CELF4: variants seen among roughly 807,000 people sequenced by gnomAD.
CELF4 encodes the protein CUGBP Elav-like family member 4.
CELF4 carries 18 observed loss-of-function variants against 59.9 expected under a neutral mutation model. The ratio of observed to expected loss-of-function variants is 0.30; its 90% CI spans 0.21 to 0.45. CELF4 has a LOEUF of 0.45. Among genes scored for constraint, CELF4 ranks in the 20% least tolerant of loss-of-function variants. The probability of loss-of-function intolerance (pLI) is 1.00; values close to 1 mark genes in which losing one functional copy is unlikely to be tolerated. For missense variants in CELF4, 456 were observed against 689.0 expected, an observed-to-expected ratio of 0.66 and a Z score of 3.79; for synonymous variants, 261 against 267.1, an observed-to-expected ratio of 0.98 and a Z score of 0.22.
chr18:37,521,499 C>T (rs779054917), intron 1 of CELF4, among the ~76,000 whole-genome samples: 50 of 152,240 alleles, frequency 3.3e-4, no homozygotes, highest in Admixed American at 7.2e-4. Context: ...AATCTAAAAT[C>T]ATATTAATAT....
chr18:37,524,226 G>A (rs1310417731), intron 1 of CELF4, among the ~76,000 whole-genome samples: 2 of 152,220 alleles, frequency 1.3e-5, no homozygotes, highest in Admixed American at 1.3e-4. Flanking sequence ...TATCCACCTC[G>A]GGGAGGGAAG....
At chr18:37,350,021 G>A (rs1410107967) in intron 2 of CELF4, among the ~76,000 whole-genome samples, 1 of 152,168 alleles carries the variant, frequency 6.6e-6, no homozygotes, top group Non-Finnish European at 1.5e-5. Flanking sequence ...GAGGAGGAGA[G>A]ATAAGCAGGC....
rs553727076 is a variant in CELF4 at position 37,441,318 on chromosome 18, C to A, written c.369+44207G>T. Among the ~76,000 whole-genome samples, 452 of 147,374 alleles carry A rather than the reference C, an allele frequency of 3.1e-3. 2 individuals are homozygous for A. The highest frequency in any genetic ancestry group is 5.1e-3 in the Non-Finnish European group (345 of 67,538). Reference sequence around the variant, plus strand: ...GTGTGTGTGTGTGTGTGTACACACACGGGGGAGATGGGAACTGGGGAGCAG... The same window carrying A: ...GTGTGTGTGTGTGTGTGTACACACAAGGGGGAGATGGGAACTGGGGAGCAG... On this transcript the variant is annotated intron_variant, in intron 2 of 12. Transcript: ENST00000420428.
chr18:37,466,724 T>G (rs2099810044), intron 2 of CELF4, among the ~76,000 whole-genome samples: 1 of 152,140 alleles, frequency 6.6e-6, no homozygotes, highest in Admixed American at 6.5e-5. Flanking sequence ...GGAGCAGTCA[T>G]GTTAAACTCT....
chr18:37,561,470 A>G lies in CELF4; in HGVS notation c.286+3886T>C, dbSNP rs144962742. 5.4e-4 allele frequency among the ~76,000 whole-genome samples: 83 copies of G among 152,338 alleles called. 1 individual carries two copies. Among genetic ancestry groups the G allele is most frequent in the Non-Finnish European group, 1.1e-3 (75 of 68,036 alleles). On this transcript the variant is annotated intron_variant, in intron 1 of 12. Coordinates refer to ENST00000420428, the MANE Select transcript of CELF4 (RefSeq NM_020180.4). ...ACTTAAATGACTTCAAAGATAATGC[A>G]TTATAATATGGCTATCCAGAGAGCA...
intron 1 of CELF4, among the ~76,000 whole-genome samples, chr18:37,517,889 T>A (rs1461406739): frequency 6.6e-6 from 1 of 152,152 alleles, no homozygotes; most frequent in African/African-American, 2.4e-5. Context: ...AGATCACCTG[T>A]GTTCCAGAGG....
At chr18:37,325,786 T>C (rs2097289272) in intron 2 of CELF4, among the ~76,000 whole-genome samples, 2 of 152,222 alleles carry the variant, frequency 1.3e-5, no homozygotes, top group Admixed American at 6.5e-5. Context: ...ACGGAATTGG[T>C]TCCCATGCAG....
intron 2 of CELF4, among the ~76,000 whole-genome samples, chr18:37,359,255 C>A (rs2098660800): frequency 6.6e-6 from 1 of 152,158 alleles, no homozygotes; most frequent in Non-Finnish European, 1.5e-5. Context: ...TCAGAGGTGC[C>A]AAAGAAGGGC....
intron 2 of CELF4, among the ~76,000 whole-genome samples, chr18:37,462,536 A>G (rs923956946): frequency 1.3e-5 from 2 of 152,210 alleles, no homozygotes; most frequent in African/African-American, 4.8e-5. Context: ...CAGAGATTGG[A>G]GTCAACAGTG....
At chr18:37,300,926 C>A (rs1215073316) in intron 3 of CELF4, among the ~76,000 whole-genome samples, 1 of 152,138 alleles carries the variant, frequency 6.6e-6, no homozygotes, top group Non-Finnish European at 1.5e-5. Flanking sequence ...TGAGGCCAGG[C>A]GCCTGGAGCA....
chr18:37,417,776 C>A (rs558232404), intron 2 of CELF4, among the ~76,000 whole-genome samples: 1 of 152,238 alleles, frequency 6.6e-6, no homozygotes, highest in Non-Finnish European at 1.5e-5. Context: ...CATGTCAACC[C>A]CATCCAGATG....
At chr18:37,303,671 G>A (rs968832619) in intron 3 of CELF4, among the ~76,000 whole-genome samples, 5 of 152,152 alleles carry the variant, frequency 3.3e-5, no homozygotes, top group Non-Finnish European at 7.4e-5. Flanking sequence ...AGGTCCCCAG[G>A]AACAGGGAAC....
At chr18:37,349,791 G>A (rs2098400937) in intron 2 of CELF4, among the ~76,000 whole-genome samples, 1 of 152,154 alleles carries the variant, frequency 6.6e-6, no homozygotes, top group Non-Finnish European at 1.5e-5. Flanking sequence ...CCAGCAGCAC[G>A]AGGCTGAGAA....
At chr18:37,342,266 C>CACAT (rs1557291629) in intron 2 of CELF4, among the ~76,000 whole-genome samples, 1 of 151,550 alleles carries the variant, frequency 6.6e-6, no homozygotes, top group Non-Finnish European at 1.5e-5. Flanking sequence ...CACACACACA[C>CACAT]GCTGGGCACA....
intron 3 of CELF4, chr18:37,275,506 G>T: frequency 2.1e-6 from 1 of 483,968 alleles, no homozygotes; most frequent in Non-Finnish European, 3.8e-6. Flanking sequence ...GCAGGAGCTG[G>T]ATCGCAGCGA....
At chr18:37,431,804 A>C (rs1156709292) in intron 2 of CELF4, among the ~76,000 whole-genome samples, 1 of 152,152 alleles carries the variant, frequency 6.6e-6, no homozygotes. Context: ...CTCTCATCTC[A>C]TCCTCCAAAT....
At chr18:37,524,226 G>T (rs1310417731) in intron 1 of CELF4, among the ~76,000 whole-genome samples, 1 of 152,220 alleles carries the variant, frequency 6.6e-6, no homozygotes, top group African/African-American at 2.4e-5. Context: ...TATCCACCTC[G>T]GGGAGGGAAG....
At chr18:37,437,310 C>T (rs560611694) in intron 2 of CELF4, among the ~76,000 whole-genome samples, 3 of 152,232 alleles carry the variant, frequency 2.0e-5, no homozygotes, top group Non-Finnish European at 4.4e-5. Context: ...TTGATGGGGA[C>T]TGGGTGAGGA....
rs146635145 is a variant in CELF4 at position 37,243,724 on chromosome 18, G to T, written c.*1518C>A. ...TAAACAGTTTCAGAAATTCTTCAAA[G>T]ATTGTTTATTTTTCTCTCTCTTTTT... is the stretch of plus-strand genomic sequence containing the variant. On this transcript the variant is annotated 3_prime_UTR_variant, in exon 13 of 13. Transcript: ENST00000420428. The T allele has an allele frequency of 3.3e-5, 5 of 153,212 alleles. No homozygotes were observed. In the South Asian group the frequency reaches 6.2e-4, roughly 19 times the overall value. 9.5% of individuals were successfully genotyped at this position (153,212 alleles called of 1,614,324 possible).
Sources: allele counts gnomAD v4.1 joint callset (sites outside exome capture counted in the v4.1 genomes callset), GRCh38; gene constraint gnomAD v4.1.1; transcripts MANE v1.5; gene names NCBI Gene and HGNC (gene_info 2026-07-23, HGNC 2026-07-21).